KLF11: variants seen among roughly 807,000 people sequenced by gnomAD.
KLF11 encodes the protein Krueppel-like factor 11.
KLF11 carries 26 observed loss-of-function variants against 29.9 expected under a neutral mutation model. The observed-to-expected ratio is 0.87, with a 90% CI of 0.64 to 1.21. KLF11 has a LOEUF of 1.21. Ranked by LOEUF, KLF11 falls within the 50% of genes most tolerant of loss-of-function variation. The pLI is 0.00. For synonymous variants in KLF11, 318 were observed against 257.4 expected, an observed-to-expected ratio of 1.24 and a Z score of -2.25; for missense variants, 778 against 665.7, an observed-to-expected ratio of 1.17 and a Z score of -1.86.
Position 10,048,587 on chromosome 2 carries a change from C to A in KLF11, c.1250C>A (p.Thr417Asn), listed in dbSNP as rs1558348943. 6.2e-7 allele frequency: 1 copy of A among 1,601,418 alleles called. No homozygotes were observed. Among genetic ancestry groups the A allele is most frequent in the African/African-American group, 1.3e-5 (1 of 75,040 alleles). Residue 417 changes from threonine to asparagine, a missense_variant, in exon 3 of 4, where the codon ACT becomes AAT. Thr to Asn is a moderately conservative substitution (Grantham distance 65, BLOSUM62 0). Coordinates refer to ENST00000305883, the MANE Select transcript of KLF11 (RefSeq NM_003597.5). ...KSSHLKAHLR[T>N]HTGEKPFNCS... ...TCCCACCTTAAGGCCCATCTTCGCA[C>A]TCACACAGGTAAGCGCTGGGGCAGG...
chr2:10,048,077 G>T lies in KLF11; in HGVS notation c.740G>T (p.Gly247Val). Residue 247 changes from glycine (G) to valine (V), a missense_variant, in exon 3 of 4, where the codon GGC (glycine) becomes GTC (valine). Gly to Val is a moderately radical substitution (Grantham distance 109). Coordinates refer to ENST00000305883, the MANE Select transcript of KLF11 (RefSeq NM_003597.5). ...GGTGGCCTGCTGCTCACTGACAAAG[G>T]CCAGCAGGCAGGGTGGCCTGGTGCA... ...KSGGLLLTDKGQQAGWPGAVQ... is the reference protein window; with the variant it reads ...KSGGLLLTDKVQQAGWPGAVQ... 1 of 1,614,166 alleles carries T rather than the reference G, an allele frequency of 6.2e-7. No homozygotes were observed. The highest frequency in any genetic ancestry group is 8.5e-7 in the Non-Finnish European group (1 of 1,180,034).
intron 2 of KLF11, among the ~76,000 whole-genome samples, chr2:10,046,946 C>T (rs4074512): frequency 0.012 from 1,828 of 152,240 alleles, 52 homozygotes; most frequent in African/African-American, 0.042. Context: ...TTGCTAGCTA[C>T]GTGGTTAATG....
intron 2 of KLF11, among the ~76,000 whole-genome samples, chr2:10,047,058 T>C (rs1661229157): frequency 6.6e-6 from 1 of 152,144 alleles, no homozygotes; most frequent in Admixed American, 6.5e-5. Context: ...TGTCAGAATA[T>C]ATCGGTAGCA....
rs758135671 is a variant in KLF11 at position 10,048,089 on chromosome 2, G to C, written c.752G>C (p.Gly251Ala). The change falls in exon 3 of 4, where the codon GGG (glycine) becomes GCG (alanine). Residue 251 changes from glycine (G) to alanine (A), a missense_variant. Transcript: ENST00000305883. ...CTCACTGACAAAGGCCAGCAGGCAG[G>C]GTGGCCTGGTGCAGTTCAGACTTGC... ...LLLTDKGQQA[G>A]WPGAVQTCSP... is the part of the protein sequence containing the mutation. The C allele has an allele frequency of 1.9e-6, 3 of 1,614,186 alleles. No individual in the cohort carries two copies. The highest frequency in any genetic ancestry group is 2.5e-6 in the Non-Finnish European group (3 of 1,180,038).
Position 10,047,983 on chromosome 2 carries a change from G to C in KLF11, c.646G>C (p.Asp216His), listed in dbSNP as rs1414245797. 6.2e-7 allele frequency: 1 copy of C among 1,613,946 alleles called. No homozygotes were observed. Among genetic ancestry groups the C allele is most frequent in the Admixed American group, 1.7e-5 (1 of 60,010 alleles). ...QLLGHFETLQ[D>H]THLTDSLLST... ...TCTGGGACACTTTGAAACTTTGCAG[G>C]ACACACACCTCACGGACAGTTTACT... The change falls in exon 3 of 4, where the codon GAC (aspartate) becomes CAC (histidine). Residue 216 changes from aspartate to histidine, a missense_variant. Transcript: ENST00000305883.
intron 3 of KLF11, among the ~76,000 whole-genome samples, chr2:10,051,283 A>G (rs1204575765): frequency 1.3e-5 from 2 of 151,200 alleles, no homozygotes; most frequent in Non-Finnish European, 2.9e-5. Context: ...ATCTCCGCTC[A>G]TTGCACCCTC....
At chr2:10,044,872 G>A (rs1661139294) in intron 1 of KLF11, among the ~76,000 whole-genome samples, 1 of 152,108 alleles carries the variant, frequency 6.6e-6, no homozygotes, top group African/African-American at 2.4e-5. Context: ...AGGGTCTGGT[G>A]CGGTGGCTCA....
rs780706989 is a variant in KLF11 at position 10,046,269 on chromosome 2, G to C, written c.162G>C (p.Met54Ile). The C allele has an allele frequency of 5.0e-6, 8 of 1,614,084 alleles. No homozygotes were observed. The highest frequency in any genetic ancestry group is 5.9e-6 in the Non-Finnish European group (7 of 1,180,056). The change falls in exon 2 of 4, where the codon ATG becomes ATC. Residue 54 changes from methionine to isoleucine, a missense_variant. Met to Ile is a conservative substitution (Grantham distance 10, BLOSUM62 1). Coordinates refer to ENST00000305883, the MANE Select transcript of KLF11 (RefSeq NM_003597.5). The part of the protein sequence containing the change: ...DMEAVEALVC[M>I]SSWGQRSQKG... ...AAGCTGTCGAGGCTCTTGTTTGTATGAGCTCCTGGGGTCAAAGATCCCAGA... is the reference window on the plus strand; with the variant it reads ...AAGCTGTCGAGGCTCTTGTTTGTATCAGCTCCTGGGGTCAAAGATCCCAGA...
Position 10,047,704 on chromosome 2 carries a change from G to GT in KLF11, c.370dup (p.Ser124PhefsTer51), listed in dbSNP as rs1661254648. ...CGTGGAGCCATCGACAAGGACACCT[G>GT]TTTCTCCCCAAGTAACAGATTCCAA... On this transcript the variant is annotated frameshift_variant, in exon 3 of 4. Transcript: ENST00000305883. LOFTEE classifies it high-confidence loss of function. 2.5e-6 allele frequency: 4 copies of GT among 1,613,376 alleles called. No homozygotes were observed. The highest frequency in any genetic ancestry group is 3.4e-6 in the Non-Finnish European group (4 of 1,180,044).
Position 10,047,986 on chromosome 2 carries a change from A to G in KLF11, c.649A>G (p.Thr217Ala). The G allele has an allele frequency of 3.1e-6, 5 of 1,614,110 alleles. No individual in the cohort carries two copies. Among genetic ancestry groups the G allele is most frequent in the Non-Finnish European group, 4.2e-6 (5 of 1,180,040 alleles). Residue 217 changes from threonine to alanine, a missense_variant, in exon 3 of 4, where the codon ACA becomes GCA. Thr to Ala is a moderately conservative substitution (Grantham distance 58). Transcript: ENST00000305883. ...GGGACACTTTGAAACTTTGCAGGACACACACCTCACGGACAGTTTACTCAG... is the reference window on the plus strand; with the variant it reads ...GGGACACTTTGAAACTTTGCAGGACGCACACCTCACGGACAGTTTACTCAG... ...LLGHFETLQD[T>A]HLTDSLLSTN...
rs1476684022 is a variant in KLF11, at chr2:10,043,776, C to G, written c.42+18C>G. 8.7e-5 allele frequency: 119 copies of G among 1,369,216 alleles called. No individual in the cohort carries two copies. Among genetic ancestry groups the G allele is most frequent in the Non-Finnish European group, 1.1e-4 (114 of 1,043,996 alleles). The allele number at this position is 1,369,216 out of a possible 1,614,324, so 84.8% of individuals were successfully genotyped here. ...CGCGCGCAGTGAGTGGTGGGGCTGCCGCGGCGGGACTACTCGTCTGAGCGA... is the reference window on the plus strand; with the variant it reads ...CGCGCGCAGTGAGTGGTGGGGCTGCGGCGGCGGGACTACTCGTCTGAGCGA... On this transcript the variant is annotated intron_variant, in intron 1 of 3. Coordinates refer to ENST00000305883, the MANE Select transcript of KLF11 (RefSeq NM_003597.5).
In KLF11 at chr2:10,047,997, G is replaced by C; in HGVS notation, c.660G>C (p.Thr220=). ...AAACTTTGCAGGACACACACCTCAC[G>C]GACAGTTTACTCAGCACTAACTTGG... ...HFETLQDTHL[T]DSLLSTNLVS... The change falls in exon 3 of 4, where the codon ACG becomes ACC. Residue 220 remains threonine (T), a synonymous_variant. Coordinates refer to ENST00000305883, the MANE Select transcript of KLF11 (RefSeq NM_003597.5). 1.2e-6 allele frequency: 2 copies of C among 1,614,034 alleles called. No individual in the cohort carries two copies. Among genetic ancestry groups the C allele is most frequent in the Non-Finnish European group, 8.5e-7 (1 of 1,180,022 alleles).
chr2:10,046,031 C>T, intron 1 of KLF11, 119 bp from the exon 2 acceptor site: 1 of 1,127,832 alleles, frequency 8.9e-7, no homozygotes, highest in Admixed American at 1.7e-5. Flanking sequence ...TTGCTATAGA[C>T]TATTGCATGT....
Position 10,046,218 on chromosome 2 carries a change from C to T in KLF11, c.111C>T (p.Cys37=). ...RKRHDSERST[C]SILEQTDMEA... is the part of the protein sequence containing the mutation. Reference sequence around the variant, plus strand: ...GGCATGACAGCGAAAGGTCTACTTGCAGCATCTTGGAGCAGACAGACATGG... The same window carrying T: ...GGCATGACAGCGAAAGGTCTACTTGTAGCATCTTGGAGCAGACAGACATGG... The change falls in exon 2 of 4, where the codon TGC becomes TGT. Residue 37 remains cysteine (C), a synonymous_variant. Transcript: ENST00000305883. 36 of 1,614,200 alleles carry T rather than the reference C, an allele frequency of 2.2e-5. No homozygotes were observed. The highest frequency in any genetic ancestry group is 3.1e-5 in the Non-Finnish European group (36 of 1,180,024).
Position 10,052,254 on chromosome 2 carries a change from A to G in KLF11, c.1286A>G (p.Asp429Gly). 1 of 1,614,134 alleles carries G rather than the reference A, an allele frequency of 6.2e-7. No individual in the cohort carries two copies. Among genetic ancestry groups the G allele is most frequent in the South Asian group, 1.1e-5 (1 of 91,072 alleles). ...GAGAAGCCTTTCAACTGCAGCTGGG[A>G]TGGCTGTGATAAAAAGTTTGCTCGT... ...TGEKPFNCSWDGCDKKFARSD... is the reference protein window; with the variant it reads ...TGEKPFNCSWGGCDKKFARSD... The change falls in exon 4 of 4, where the codon GAT becomes GGT. Residue 429 changes from aspartate to glycine, a missense_variant. Physicochemically the swap from Asp to Gly is moderately conservative, Grantham distance 94 (BLOSUM62 -1). Coordinates refer to ENST00000305883, the MANE Select transcript of KLF11 (RefSeq NM_003597.5).
At chr2:10,046,012 C>A in intron 1 of KLF11, 138 bp from the exon 2 acceptor site, 1 of 968,318 alleles carries the variant, frequency 1.0e-6, no homozygotes. Flanking sequence ...TACTACACCT[C>A]GGTGTTTGTT....
intron 3 of KLF11, among the ~76,000 whole-genome samples, chr2:10,050,748 C>T (rs1327793891): frequency 2.0e-5 from 3 of 151,892 alleles, no homozygotes; most frequent in African/African-American, 7.3e-5. Context: ...CTGAAGAATC[C>T]CCTTGTGCCA....
Position 10,052,724 on chromosome 2 carries a change from G to GTTTTTT in KLF11, c.*222_*227dup. The stretch of plus-strand genomic sequence containing the variant: ...TAGTTTCAGAAGTTTTTTTGTTTTG[G>GTTTTTT]TTTTTTTTTTAAAGAAATGGTAGAA... On this transcript the variant is annotated 3_prime_UTR_variant, in exon 4 of 4. Transcript: ENST00000305883. The GTTTTTT allele has an allele frequency of 2.3e-6, 1 of 434,068 alleles. No individual in the cohort carries two copies. The highest frequency in any genetic ancestry group is 4.0e-5 in the Admixed American group (1 of 24,702). The allele number at this position is 434,068 out of a possible 1,614,324, so 26.9% of individuals were successfully genotyped here. A position where few individuals can be genotyped will look rare whatever the true frequency, so the allele number is the denominator to read the frequency against.
intron 1 of KLF11, chr2:10,044,077 C>A: frequency 1.4e-6 from 1 of 712,676 alleles, no homozygotes. Context: ...GCCGGACGGC[C>A]GTTGGGCGGG....
Sources: allele counts gnomAD v4.1 joint callset (sites outside exome capture counted in the v4.1 genomes callset), GRCh38; gene constraint gnomAD v4.1.1; transcripts MANE v1.5; gene names NCBI Gene and HGNC (gene_info 2026-07-23, HGNC 2026-07-21).